The following SLC25A13 variants were observed in gnomAD, a reference collection of about 807,000 sequenced individuals.
SLC25A13 encodes solute carrier family 25 member 13.
A neutral mutation model predicts 85.5 loss-of-function variants in SLC25A13; 70 were observed. The observed-to-expected ratio is 0.82, with a 90% CI of 0.68 to 1.00. SLC25A13 has a LOEUF of 1.00. Ranked by LOEUF, SLC25A13 falls within the 50% of genes least tolerant of loss-of-function variation. The pLI is 0.00. For synonymous variants in SLC25A13, 259 were observed against 288.7 expected (o/e 0.90, Z 1.04); for missense variants, 765 against 819.8 (o/e 0.93, Z 0.82).
intron 5 of SLC25A13, among the ~76,000 whole-genome samples, chr7:96,194,561 A>G (rs1389002988): frequency 1.3e-5 from 2 of 150,594 alleles, no homozygotes; most frequent in East Asian, 4.0e-4. Context: ...AATTTTAGTG[A>G]GATAATGACA....
At position 96,120,364 on chromosome 7, in the gene SLC25A13, C is replaced by T. The variant is rs1791448734; in HGVS notation, c.*827G>A. The T allele has an allele frequency of 4.4e-6, 2 of 453,878 alleles. No individual in the cohort carries two copies. Among genetic ancestry groups the T allele is most frequent in the South Asian group, 1.6e-5 (1 of 64,468 alleles). The allele number at this position is 453,878 out of a possible 1,614,324, so 28.1% of individuals were successfully genotyped here. A position where few individuals can be genotyped will look rare whatever the true frequency, so the allele number is the denominator to read the frequency against. ...AGTGGATTTTAAAAGCAAGTGGGTA[C>T]CAATGATGGGGAGATGAGGAGAATA... On this transcript the variant is annotated 3_prime_UTR_variant, in exon 18 of 18. Transcript: ENST00000265631.
chr7:96,183,365 A>C (rs139004812), intron 11 of SLC25A13, among the ~76,000 whole-genome samples: 143 of 152,278 alleles, frequency 9.4e-4, no homozygotes, highest in African/African-American at 3.3e-3. Flanking sequence ...CCAGAGGCAC[A>C]GGTTTCCATG....
chr7:96,277,097 G>C, intron 3 of SLC25A13, 99 bp downstream of exon 3: 1 of 1,199,574 alleles, frequency 8.3e-7, no homozygotes, highest in South Asian at 1.5e-5. Context: ...GGTCCTAAGA[G>C]ATGGGAAGGT....
At chr7:96,305,312 A>C (rs34257126) in intron 1 of SLC25A13, among the ~76,000 whole-genome samples, 96,806 of 152,082 alleles carry the variant, frequency 0.64, 31,176 homozygotes, top group Non-Finnish European at 0.67. Context: ...AAGAATGGAG[A>C]CACTGGACAA....
At chr7:96,124,327 C>G (rs1791637047) in intron 15 of SLC25A13, among the ~76,000 whole-genome samples, 1 of 152,076 alleles carries the variant, frequency 6.6e-6, no homozygotes, top group Non-Finnish European at 1.5e-5. Flanking sequence ...TTCCAAATCC[C>G]CTTTGCATCT....
At chr7:96,210,293 C>T (rs1344631090) in intron 4 of SLC25A13, among the ~76,000 whole-genome samples, 2 of 152,110 alleles carry the variant, frequency 1.3e-5, no homozygotes, top group South Asian at 4.2e-4. Context: ...AGTACAAGTA[C>T]TGAATTTATT....
intron 2 of SLC25A13, among the ~76,000 whole-genome samples, chr7:96,284,187 C>T (rs1798800045): frequency 6.6e-6 from 1 of 151,794 alleles, no homozygotes; most frequent in Non-Finnish European, 1.5e-5. Flanking sequence ...AGATAGAAAA[C>T]AGTATTTTTT....
chr7:96,236,109 C>T (rs1796732423), intron 3 of SLC25A13, among the ~76,000 whole-genome samples: 1 of 152,094 alleles, frequency 6.6e-6, no homozygotes, highest in South Asian at 2.1e-4. Flanking sequence ...ACAAAGTGAA[C>T]TTAGCTGTTT....
intron 1 of SLC25A13, among the ~76,000 whole-genome samples, chr7:96,318,536 G>GTAAA (rs1193862242): frequency 6.6e-6 from 1 of 152,124 alleles, no homozygotes; most frequent in Non-Finnish European, 1.5e-5. Flanking sequence ...AATACTAAGA[G>GTAAA]TTTTAGATTA....
chr7:96,260,178 A>G (rs1423974523), intron 3 of SLC25A13, among the ~76,000 whole-genome samples: 6 of 152,100 alleles, frequency 3.9e-5, no homozygotes, highest in Admixed American at 3.9e-4. Flanking sequence ...CGTTCTGCAC[A>G]TGTATCCCAG....
intron 3 of SLC25A13, among the ~76,000 whole-genome samples, chr7:96,273,327 A>T (rs975249062): frequency 2.0e-5 from 3 of 152,070 alleles, no homozygotes; most frequent in African/African-American, 7.3e-5. Context: ...AAACAAAAAA[A>T]GAAAGAAACA....
chr7:96,291,018 CAT>C (rs1799097414), intron 2 of SLC25A13, among the ~76,000 whole-genome samples: 1 of 152,182 alleles, frequency 6.6e-6, no homozygotes, highest in African/African-American at 2.4e-5. Context: ...AAATTGACCA[CAT>C]AGTTGGAAGT....
chr7:96,259,557 C>G (rs771251649), intron 3 of SLC25A13, among the ~76,000 whole-genome samples: 4 of 152,152 alleles, frequency 2.6e-5, no homozygotes, highest in African/African-American at 7.2e-5. Flanking sequence ...CAGGAAACAA[C>G]AGATGCTGGA....
chr7:96,142,776 A>G (rs1047943281), intron 14 of SLC25A13, among the ~76,000 whole-genome samples: 2 of 152,150 alleles, frequency 1.3e-5, no homozygotes, highest in Non-Finnish European at 2.9e-5. Flanking sequence ...TTTACTTTTT[A>G]AACTAAAAAA....
chr7:96,244,136 T>C (rs569193138), intron 3 of SLC25A13, among the ~76,000 whole-genome samples: 27 of 152,050 alleles, frequency 1.8e-4, no homozygotes, highest in African/African-American at 5.8e-4. Context: ...ACGTGGGGTC[T>C]GGGGGGGTCC....
At chr7:96,308,118 A>T (rs1799822919) in intron 1 of SLC25A13, among the ~76,000 whole-genome samples, 1 of 146,448 alleles carries the variant, frequency 6.8e-6, no homozygotes, top group Non-Finnish European at 1.5e-5. Context: ...GTGCCACTGC[A>T]CTCTAGCCTG....
At chr7:96,268,063 C>T (rs552380586) in intron 3 of SLC25A13, among the ~76,000 whole-genome samples, 87 of 152,210 alleles carry the variant, frequency 5.7e-4, no homozygotes, top group African/African-American at 2.0e-3. Context: ...CTGAGCCACC[C>T]GGTGCCCACC....
rs1554337568 is a variant in SLC25A13 at position 96,134,812 on chromosome 7, T to TATATATATATATAA, written c.1453-2932_1453-2931insTTATATATATATAT. On this transcript the variant is annotated intron_variant, in intron 14 of 17. Coordinates refer to ENST00000265631, the MANE Select transcript of SLC25A13 (RefSeq NM_014251.3). ...ACAATTTTATATATATATATATATA[T>TATATATATATATAA]AACCCTGAGGAAAGGGTAGAATTGC... Among the ~76,000 whole-genome samples, 467 of 146,260 alleles carry TATATATATATATAA rather than the reference T, an allele frequency of 3.2e-3. 7 individuals are homozygous for TATATATATATATAA. Among genetic ancestry groups the TATATATATATATAA allele is most frequent in the African/African-American group, 0.011 (435 of 39,454 alleles).
At chr7:96,272,048 G>T in intron 3 of SLC25A13, among the ~76,000 whole-genome samples, 1 of 152,002 alleles carries the variant, frequency 6.6e-6, no homozygotes, top group Non-Finnish European at 1.5e-5. Flanking sequence ...ACCATGCCTG[G>T]CTAATTTTTT....
Sources: allele counts gnomAD v4.1 joint callset (sites outside exome capture counted in the v4.1 genomes callset), GRCh38; gene constraint gnomAD v4.1.1; transcripts MANE v1.5; gene names NCBI Gene and HGNC (gene_info 2026-07-23, HGNC 2026-07-21).